Variants in AMY2B observed in about 807,000 individuals in gnomAD.
AMY2B encodes the protein amylase alpha 2B.
AMY2B carries 63 observed loss-of-function variants against 59.3 expected under a neutral mutation model. The ratio of observed to expected loss-of-function variants is 1.06; its 90% CI spans 0.87 to 1.31. AMY2B has a LOEUF of 1.31. AMY2B is among the 50% of genes most tolerant of loss of function. The pLI is 0.00. For synonymous variants in AMY2B, 180 were observed against 198.1 expected, an observed-to-expected ratio of 0.91 and a Z score of 0.77; for missense variants, 635 against 626.7, an observed-to-expected ratio of 1.01 and a Z score of -0.14.
Position 103,577,395 on chromosome 1 carries a change from G to T in AMY2B, c.1102-95G>T, listed in dbSNP as rs1412583037. On this transcript the variant is annotated intron_variant, in intron 7 of 9. Coordinates refer to ENST00000684275, the MANE Select transcript of AMY2B (RefSeq NM_001387437.1). ...TCTAGATAAAGTCATTGAATGCAGA[G>T]ACACAAGTAACAGGATAGGTTGGGT... 9.4e-6 allele frequency: 15 copies of T among 1,596,278 alleles called. No individual in the cohort carries two copies. The Admixed American group carries it at 2.4e-4, about 25-fold the overall frequency.
Position 103,572,308 on chromosome 1 carries a change from C to G in AMY2B, c.315+52C>G, listed in dbSNP as rs74109132. On this transcript the variant is annotated intron_variant, in intron 2 of 9. Transcript: ENST00000684275. ...AATAACAGATAGGAAAATGATTTCT[C>G]TCTCTTCTTTCTTGCTCCTTTTCAG... 5,050 of 1,595,158 alleles carry G rather than the reference C, an allele frequency of 3.2e-3. 134 individuals are homozygous for G. In the African/African-American group the frequency reaches 0.056, roughly 18 times the overall value.
chr1:103,570,339 C>CTTCTT (rs1652075859), upstream of AMY2B: 2 of 683,290 alleles, frequency 2.9e-6, no homozygotes, highest in Non-Finnish European at 5.4e-6. Flanking sequence ...CTGTTCCAGC[C>CTTCTT]TTCCTTCCTG....
chr1:103,577,944 T>C (rs1487453026), intron 9 of AMY2B, 99 bp downstream of exon 9: 6 of 1,568,372 alleles, frequency 3.8e-6, no homozygotes, highest in Admixed American at 1.9e-5. Flanking sequence ...TGAAAAATCA[T>C]GTAGTCAGTG....
At chr1:103,563,415 TA>T in intron 1 of AMY2B, among the ~76,000 whole-genome samples, 1 of 152,260 alleles carries the variant, frequency 6.6e-6, no homozygotes, top group African/African-American at 2.4e-5. Flanking sequence ...AAAGTAGATA[TA>T]ACAACTATTT....
At chr1:103,572,922 T>A in intron 2 of AMY2B, 141 bp from the exon 3 acceptor site, 22 of 1,509,916 alleles carry the variant, frequency 1.5e-5, no homozygotes, top group Non-Finnish European at 2.0e-5. Flanking sequence ...TCACAGTTGA[T>A]TTTTGATCTT....
intron 7 of AMY2B, 129 bp downstream of exon 7, chr1:103,575,669 G>A (rs915706078): frequency 6.3e-5 from 85 of 1,342,128 alleles, no homozygotes; most frequent in Middle Eastern, 2.0e-4. Flanking sequence ...ATAGGGCTGC[G>A]ATTTTAGTAA....
At chr1:103,573,623 A>T (rs918014579) in intron 3 of AMY2B, 85 bp from the exon 4 acceptor site, 1 of 1,574,716 alleles carries the variant, frequency 6.4e-7, no homozygotes, top group African/African-American at 1.4e-5. Context: ...CTCTTGAGGA[A>T]TCATGGAATA....
chr1:103,568,847 G>T (rs1478547184), upstream of AMY2B: 1 of 151,790 alleles, frequency 6.6e-6, no homozygotes. Context: ...ATGTATGTGT[G>T]TGTATATATA....
chr1:103,569,356 T>G (rs1032847339), upstream of AMY2B: 1 of 177,292 alleles, frequency 5.6e-6, no homozygotes, highest in Non-Finnish European at 1.2e-5. Context: ...ACAGTCCTTA[T>G]GTGTTTAAAT....
upstream of AMY2B, chr1:103,568,746 A>G (rs1651995909): frequency 6.6e-6 from 1 of 151,676 alleles, no homozygotes; most frequent in South Asian, 2.1e-4. Context: ...ATATATACAC[A>G]CATATATAAA....
At chr1:103,560,872 A>G (rs1314982623) in intron 1 of AMY2B, among the ~76,000 whole-genome samples, 1 of 152,196 alleles carries the variant, frequency 6.6e-6, no homozygotes, top group Admixed American at 6.5e-5. Context: ...GAAAGGGAAT[A>G]TAAGACTGAT....
At chr1:103,575,804 G>T (rs1301390841) in intron 7 of AMY2B, 7 of 413,822 alleles carry the variant, frequency 1.7e-5, no homozygotes, top group Non-Finnish European at 2.9e-5. Flanking sequence ...TTAAAAATAA[G>T]AGCTAGGCAC....
rs1652406185 is a variant in AMY2B, at chr1:103,577,513, A to G, written c.1125A>G (p.Pro375=). The change falls in exon 8 of 10, where the codon CCA becomes CCG. Residue 375 remains proline, a synonymous_variant. Coordinates refer to ENST00000684275, the MANE Select transcript of AMY2B (RefSeq NM_001387437.1). The stretch of plus-strand genomic sequence containing the variant: ...AGGATGTTAATGATTGGGTTGGGCC[A>G]CCAAATAATAATGGAGTAATTAAAG... ...NGNDVNDWVG[P]PNNNGVIKEV... is the part of the protein sequence containing the mutation. 6.2e-7 allele frequency: 1 copy of G among 1,611,924 alleles called. No individual in the cohort carries two copies. Among genetic ancestry groups the G allele is most frequent in the Non-Finnish European group, 8.5e-7 (1 of 1,179,788 alleles).
At position 103,577,632 on chromosome 1, in the gene AMY2B, T is replaced by C. The variant is rs191001359; in HGVS notation, c.1220+24T>C. The stretch of plus-strand genomic sequence containing the variant: ...AGGTGAGAATATGTATTTAGACATG[T>C]CCTCTAATAGTAAACTTTCCATTGC... On this transcript the variant is annotated intron_variant, in intron 8 of 9. Transcript: ENST00000684275. The C allele has an allele frequency of 1.8e-5, 29 of 1,611,908 alleles. No individual in the cohort carries two copies. In the Admixed American group the frequency reaches 4.3e-4, roughly 24 times the overall value.
At chr1:103,570,668 C>T (rs1652092779), upstream of AMY2B, 1 of 583,426 alleles carries the variant, frequency 1.7e-6, no homozygotes, top group Non-Finnish European at 3.4e-6. Flanking sequence ...ACCGCAAATG[C>T]TTCTAAATGG....
Position 103,560,523 on chromosome 1 carries a change from T to A in AMY2B, c.-206-4912T>A, listed in dbSNP as rs1293821537. Among the ~76,000 whole-genome samples the A allele has an allele frequency of 8.5e-5, 13 of 152,256 alleles. No individual in the cohort carries two copies. The East Asian group carries it at 2.3e-3, about 27-fold the overall frequency. On this transcript the variant is annotated intron_variant, in intron 1 of 11. Coordinates refer to the AMY2B transcript ENST00000361355. ...GCAGAAACATTTAATCAATTTACAT[T>A]GAATTTTTTTTACCCTATACCACAG...
intron 2 of AMY2B, among the ~76,000 whole-genome samples, chr1:103,566,586 A>G (rs914818543): frequency 6.6e-6 from 1 of 152,186 alleles, no homozygotes; most frequent in South Asian, 2.1e-4. Context: ...AACCACATAC[A>G]TTTCAACTGG....
At chr1:103,570,208 G>T (rs1652065242), upstream of AMY2B, 4 of 506,940 alleles carry the variant, frequency 7.9e-6, no homozygotes, top group Non-Finnish European at 1.6e-5. Context: ...GTGCTATGTT[G>T]CCCTGGACTT....
In AMY2B at chr1:103,578,577, A is replaced by C. The variant is rs1652452878; in HGVS notation, c.1346+732A>C. Among the ~76,000 whole-genome samples the C allele has an allele frequency of 2.0e-5, 3 of 152,294 alleles. No individual in the cohort carries two copies. The South Asian group carries it at 6.2e-4, about 32-fold the overall frequency. ...TTCTAGTATAAATTATATTTCACTG[A>C]TGAAAAATAAATAAATACATAAATA... On this transcript the variant is annotated intron_variant, in intron 9 of 9. Transcript: ENST00000684275.
Sources: allele counts gnomAD v4.1 joint callset (sites outside exome capture counted in the v4.1 genomes callset), GRCh38; gene constraint gnomAD v4.1.1; transcripts MANE v1.5; gene names NCBI Gene and HGNC (gene_info 2026-07-23, HGNC 2026-07-21).